PARP11: variants seen among roughly 807,000 people sequenced by gnomAD.
The protein encoded by PARP11 is poly(ADP-ribose) polymerase family member 11.
Under a neutral mutation model 42.9 loss-of-function variants are expected in PARP11, and 31 were observed. That is an observed-to-expected ratio of 0.72 (90% confidence interval 0.54 to 0.98). The LOEUF is 0.98. Ranked by LOEUF, PARP11 falls within the 50% of genes least tolerant of loss-of-function variation. PARP11 has a pLI of 0.00. For missense variants in PARP11, 365 were observed against 413.1 expected, an observed-to-expected ratio of 0.88 and a Z score of 1.01; for synonymous variants, 137 against 127.3, an observed-to-expected ratio of 1.08 and a Z score of -0.51.
At chr12:3,812,479 A>G in intron 7 of PARP11, 40 bp from the exon 8 acceptor site, 1 of 1,457,602 alleles carries the variant, frequency 6.9e-7, no homozygotes, top group Non-Finnish European at 9.4e-7. Context: ...GATTACTCCG[A>G]AGAATATATT....
chr12:3,840,523 A>C lies in PARP11; in HGVS notation c.19-10505T>G. The C allele has an allele frequency of 6.2e-7, 1 of 1,611,518 alleles. No homozygotes were observed. The highest frequency in any genetic ancestry group is 1.7e-5 in the Admixed American group (1 of 60,022). ...GTCTCAGAAATTCTCCAGTGAGCAC[A>C]AAAATCTTAGCCGGACACCTTCACA... On this transcript the variant is annotated intron_variant, in intron 1 of 7. Transcript: ENST00000228820. This position sits in a 1 kb window ranked among gnomAD's most constrained non-coding sequence, Gnocchi z 4.4.
At chr12:3,825,498 T>C (rs1265569166) in intron 4 of PARP11, among the ~76,000 whole-genome samples, 3 of 152,206 alleles carry the variant, frequency 2.0e-5, no homozygotes, top group African/African-American at 4.8e-5. Context: ...AGTAATTGTA[T>C]GGCTCTGAGA....
chr12:3,828,874 A>G (rs373053480), intron 3 of PARP11, 36 bp downstream of exon 3: 9 of 1,587,122 alleles, frequency 5.7e-6, no homozygotes, highest in African/African-American at 1.3e-5. Context: ...ATATCAATAT[A>G]CTAAAAACAC....
At position 3,813,808 on chromosome 12, in the gene PARP11, C is replaced by T. The variant is rs527451144; in HGVS notation, c.700+229G>A. ...AACATTATAAATAACGTGAAGTTTT[C>T]CCCCACTATTCCTTATTGCTCACTA... On this transcript the variant is annotated intron_variant, in intron 7 of 7. Transcript: ENST00000228820. Among the ~76,000 whole-genome samples the T allele has an allele frequency of 7.2e-5, 11 of 152,254 alleles. No homozygotes were observed. In the South Asian group the frequency reaches 1.9e-3, roughly 26 times the overall value.
At chr12:3,858,794 T>G (rs960592591) in intron 1 of PARP11, among the ~76,000 whole-genome samples, 10 of 152,074 alleles carry the variant, frequency 6.6e-5, no homozygotes, top group Non-Finnish European at 1.2e-4. Flanking sequence ...TAAGAATTTA[T>G]GTATGAATAT....
At chr12:3,817,105 G>C (rs541874281) in intron 6 of PARP11, among the ~76,000 whole-genome samples, 37 of 152,024 alleles carry the variant, frequency 2.4e-4, no homozygotes, top group Non-Finnish European at 4.0e-4. Context: ...GCAGGAGAAT[G>C]GCATGAACCC....
At chr12:3,817,775 A>G (rs796735031) in intron 6 of PARP11, among the ~76,000 whole-genome samples, 3 of 152,306 alleles carry the variant, frequency 2.0e-5, no homozygotes, top group African/African-American at 7.2e-5. Flanking sequence ...CATGCTCTGG[A>G]TTAAAATAAA....
chr12:3,835,783 T>C (rs1414060679), intron 1 of PARP11, among the ~76,000 whole-genome samples: 1 of 152,044 alleles, frequency 6.6e-6, no homozygotes, highest in African/African-American at 2.4e-5. Flanking sequence ...GGTAGATTTG[T>C]GAACAAGAAA....
At chr12:3,814,547 C>T (rs1947247744) in intron 6 of PARP11, among the ~76,000 whole-genome samples, 2 of 152,124 alleles carry the variant, frequency 1.3e-5, no homozygotes, top group African/African-American at 4.8e-5. Context: ...TTTGCAGAGA[C>T]TTTAGACAGT....
chr12:3,860,039 A>C (rs1948269136), intron 1 of PARP11, among the ~76,000 whole-genome samples: 1 of 152,342 alleles, frequency 6.6e-6, no homozygotes, highest in East Asian at 1.9e-4. Flanking sequence ...GAATGACTTA[A>C]AGACAGAATT....
intron 1 of PARP11, among the ~76,000 whole-genome samples, chr12:3,864,158 T>C (rs988324149): frequency 2.6e-5 from 4 of 152,246 alleles, no homozygotes; most frequent in African/African-American, 9.6e-5. Flanking sequence ...CGATATTCGA[T>C]TTTGTCAAAG....
intron 1 of PARP11, among the ~76,000 whole-genome samples, chr12:3,862,281 C>T (rs1043339225): frequency 6.6e-6 from 1 of 151,844 alleles, no homozygotes; most frequent in African/African-American, 2.4e-5. Context: ...AGCAAAACCC[C>T]ATCTCTACAA....
intron 1 of PARP11, chr12:3,864,065 C>G (rs993719109): frequency 6.6e-6 from 1 of 152,210 alleles, no homozygotes; most frequent in Non-Finnish European, 1.5e-5. Context: ...CAGCCTGTTG[C>G]GTTAACCCCC....
chr12:3,862,098 TA>T (rs1321639356), intron 1 of PARP11, among the ~76,000 whole-genome samples: 8 of 152,098 alleles, frequency 5.3e-5, no homozygotes, highest in Admixed American at 4.6e-4. Context: ...TCAACATGAT[TA>T]GTCATTAGAG....
intron 2 of PARP11, among the ~76,000 whole-genome samples, chr12:3,829,256 A>C (rs1947589947): frequency 6.6e-6 from 1 of 152,242 alleles, no homozygotes. Flanking sequence ...CCCTTCAATA[A>C]CAGATATATA....
chr12:3,831,458 A>G (rs868634228), intron 1 of PARP11, among the ~76,000 whole-genome samples: 2 of 152,178 alleles, frequency 1.3e-5, no homozygotes, highest in African/African-American at 2.4e-5. Flanking sequence ...GCAACCTGGA[A>G]TAAGTTTCAA....
chr12:3,842,091 G>A (rs1947901117), intron 1 of PARP11: 1 of 1,606,102 alleles, frequency 6.2e-7, no homozygotes, highest in South Asian at 1.1e-5. Context: ...GAGAGAGAGA[G>A]AAATTGTGCC....
In PARP11 at chr12:3,821,838, G is replaced by A. The variant is rs778137845; in HGVS notation, c.548+35C>T. On this transcript the variant is annotated intron_variant, in intron 6 of 7. Transcript: ENST00000228820. ...ATGTTTTAACCATAAAAGACATAGTGGAAAGGAGAAGTTTCAGATTAGAAA... is the reference window on the plus strand; with the variant it reads ...ATGTTTTAACCATAAAAGACATAGTAGAAAGGAGAAGTTTCAGATTAGAAA... 7.6e-6 allele frequency: 12 copies of A among 1,583,652 alleles called. No individual in the cohort carries two copies. In the Admixed American group the frequency reaches 9.5e-5, roughly 13 times the overall value.
chr12:3,856,745 A>T (rs184231454), intron 1 of PARP11, among the ~76,000 whole-genome samples: 1 of 152,354 alleles, frequency 6.6e-6, no homozygotes, highest in Admixed American at 6.5e-5. Flanking sequence ...CTAGAACTAG[A>T]AATACTATTT....
Sources: allele counts gnomAD v4.1 joint callset (sites outside exome capture counted in the v4.1 genomes callset), GRCh38; gene constraint gnomAD v4.1.1; non-coding constraint Gnocchi (gnomAD v3.1); transcripts MANE v1.5; gene names NCBI Gene and HGNC (gene_info 2026-07-23, HGNC 2026-07-21).